The following RNF6 variants were observed in gnomAD, a reference collection of about 807,000 sequenced individuals.
RNF6 encodes ring finger protein 6, also known as E3 ubiquitin-protein ligase RNF6.
Under a neutral mutation model 50.1 loss-of-function variants are expected in RNF6, and 21 were observed. The observed-to-expected ratio is 0.42, with a 90% CI of 0.30 to 0.60. The LOEUF is 0.60. RNF6 is among the 20% of genes least tolerant of loss of function. The pLI is 0.20. For missense variants in RNF6, 698 were observed against 838.2 expected, an observed-to-expected ratio of 0.83 and a Z score of 2.07; for synonymous variants, 255 against 291.8, an observed-to-expected ratio of 0.87 and a Z score of 1.29.
intron 5 of RNF6, chr13:26,144,887 T>C (rs185299211): frequency 2.6e-5 from 4 of 152,354 alleles, no homozygotes; most frequent in Admixed American, 2.6e-4. Flanking sequence ...CCACTTCCAT[T>C]TGGCAATGGA....
chr13:26,214,689 G>A lies in RNF6; in HGVS notation c.1193C>T (p.Thr398Ile). 1 of 1,614,236 alleles carries A rather than the reference G, an allele frequency of 6.2e-7. No individual in the cohort carries two copies. Among genetic ancestry groups the A allele is most frequent in the South Asian group, 1.1e-5 (1 of 91,092 alleles). ...GATCCTTCTCACTTGAAGGTCCAGT[G>A]TGATTGTTGGATGTCGTCGTACAGC... ...STAVRRHPTI[T>I]LDLQVRRIRP... The change falls in exon 5 of 5, where the codon ACA becomes ATA. Residue 398 changes from threonine (T) to isoleucine (I), a missense_variant. By Grantham distance (89) the Thr-to-Ile change is moderately conservative. Coordinates refer to ENST00000381588, the MANE Select transcript of RNF6 (RefSeq NM_005977.4).
At position 26,161,212 on chromosome 13, in the gene RNF6, C is replaced by T. The variant is rs190316379; in HGVS notation, n.769-28761G>A. Among the ~76,000 whole-genome samples, 120 of 152,352 alleles carry T rather than the reference C, an allele frequency of 7.9e-4. 1 individual carries two copies. The highest frequency in any genetic ancestry group is 2.9e-3 in the African/African-American group (119 of 41,584). On this transcript the variant is annotated intron_variant and non_coding_transcript_variant, in intron 5 of 5. Transcript: ENST00000468480. ...TGACCATTTGTGCCTCAATACCATA[C>T]TAGTTGAATTGCTGCAACTTTTTGA...
At chr13:26,211,012 C>G (rs536867493), downstream of RNF6, among the ~76,000 whole-genome samples, 1 of 152,272 alleles carries the variant, frequency 6.6e-6, no homozygotes, top group African/African-American at 2.4e-5. Flanking sequence ...TGACATGGAA[C>G]ATAATATTCA....
intron 5 of RNF6, among the ~76,000 whole-genome samples, chr13:26,146,086 T>C (rs1439117211): frequency 6.6e-6 from 1 of 152,202 alleles, no homozygotes; most frequent in Non-Finnish European, 1.5e-5. Context: ...TCAGAGATAG[T>C]GTCCAAAAGT....
downstream of RNF6, among the ~76,000 whole-genome samples, chr13:26,210,775 G>C (rs1194697461): frequency 6.6e-6 from 1 of 152,204 alleles, no homozygotes; most frequent in Non-Finnish European, 1.5e-5. Context: ...TTCAAGGAGA[G>C]CTTCAGAGGT....
chr13:26,188,623 CTTTTTTTTTTTTTTT>C (rs1163881143), intron 5 of RNF6, among the ~76,000 whole-genome samples: 7 of 43,266 alleles, frequency 1.6e-4, no homozygotes, highest in Non-Finnish European at 1.9e-4. Context: ...GTCAAAAGAG[CTTTTTTTTTTTTTTT>C]TTTTTTTTTT....
At position 26,154,750 on chromosome 13, in the gene RNF6, C is replaced by A. The variant is rs963015098; in HGVS notation, n.769-22299G>T. 2.6e-5 allele frequency among the ~76,000 whole-genome samples: 4 copies of A among 152,198 alleles called. No individual in the cohort carries two copies. The East Asian group carries it at 5.8e-4, about 22-fold the overall frequency. On this transcript the variant is annotated intron_variant and non_coding_transcript_variant, in intron 5 of 5. Coordinates refer to the RNF6 transcript ENST00000468480. ...GTAATACTTACGACAAAACTCCCGG[C>A]TGGGCGTTGTGGCTCACACCTGTAA...
At chr13:26,168,963 A>G (rs970711139) in intron 5 of RNF6, among the ~76,000 whole-genome samples, 1 of 152,180 alleles carries the variant, frequency 6.6e-6, no homozygotes, top group African/African-American at 2.4e-5. Context: ...TGATCATGCC[A>G]CTGCACTCCA....
chr13:26,194,971 A>C (rs1266814274), intron 5 of RNF6, among the ~76,000 whole-genome samples: 4 of 152,194 alleles, frequency 2.6e-5, no homozygotes, highest in Admixed American at 2.6e-4. Context: ...CGATACCCTC[A>C]CAGATGTACC....
downstream of RNF6, among the ~76,000 whole-genome samples, chr13:26,211,286 T>C (rs1042298021): frequency 6.6e-5 from 10 of 152,254 alleles, no homozygotes; most frequent in African/African-American, 2.4e-4. Flanking sequence ...AATGCCTATA[T>C]GGGATTTCTT....
At chr13:26,206,304 C>T (rs11617826) in intron 5 of RNF6, among the ~76,000 whole-genome samples, 66,572 of 151,828 alleles carry the variant, frequency 0.44, 15,536 homozygotes, top group Middle Eastern at 0.53. Context: ...CCACCATCTG[C>T]CTGGCAGGGT....
intron 4 of RNF6, among the ~76,000 whole-genome samples, chr13:26,217,215 A>G (rs1869974725): frequency 6.6e-6 from 1 of 152,248 alleles, no homozygotes; most frequent in Non-Finnish European, 1.5e-5. Flanking sequence ...TACAACTTAC[A>G]TATCTAAACA....
intron 5 of RNF6, among the ~76,000 whole-genome samples, chr13:26,204,496 C>CAAAAAAAAAAAAAAAAAAAAAAAAA (rs71080239): frequency 5.8e-5 from 4 of 68,954 alleles, no homozygotes; most frequent in Admixed American, 1.5e-4. Context: ...GACTCCACCT[C>CAAAAAAAAAAAAAAAAAAAAAAAAA]AAAAAAAAAA....
intron 5 of RNF6, among the ~76,000 whole-genome samples, chr13:26,184,581 A>G (rs1295291372): frequency 6.6e-6 from 1 of 152,192 alleles, no homozygotes; most frequent in African/African-American, 2.4e-5. Flanking sequence ...ATGAGAACAG[A>G]TTATCTAATT....
chr13:26,146,710 C>T (rs919873062), intron 5 of RNF6, among the ~76,000 whole-genome samples: 2 of 152,164 alleles, frequency 1.3e-5, no homozygotes, highest in Admixed American at 6.5e-5. Flanking sequence ...GCCAACCAAC[C>T]CCAGTAGCTA....
chr13:26,205,917 G>A (rs977136294), intron 5 of RNF6, among the ~76,000 whole-genome samples: 2 of 152,246 alleles, frequency 1.3e-5, no homozygotes, highest in East Asian at 3.9e-4. Context: ...GAGGTGAGGT[G>A]AGAGGATCAC....
At chr13:26,222,450 C>T (rs1344694586), upstream of RNF6, 1 of 152,320 alleles carries the variant, frequency 6.6e-6, no homozygotes, top group African/African-American at 2.4e-5. Flanking sequence ...GTTGCAGAGA[C>T]ACGGTCTGCT....
intron 5 of RNF6, among the ~76,000 whole-genome samples, chr13:26,169,996 C>T (rs1477885151): frequency 1.3e-5 from 2 of 152,148 alleles, no homozygotes; most frequent in East Asian, 3.8e-4. Context: ...AACCTAAAAA[C>T]AAATGGGATT....
At chr13:26,144,373 AT>A (rs1160965034) in intron 5 of RNF6, among the ~76,000 whole-genome samples, 3 of 86,980 alleles carry the variant, frequency 3.4e-5, no homozygotes, top group South Asian at 5.9e-4. Context: ...TCACATGGAA[AT>A]ATCTTCATTT....
Sources: gnomAD v4.1 joint callset for allele counts (sites outside exome capture counted in the v4.1 genomes callset) on GRCh38, gnomAD v4.1.1 for gene constraint, MANE v1.5 for transcripts, NCBI Gene and HGNC (gene_info 2026-07-23, HGNC 2026-07-21) for gene names.